WWP2: variants seen among roughly 807,000 people sequenced by gnomAD.
The protein encoded by WWP2 is WW domain containing E3 ubiquitin protein ligase 2, also known as NEDD4-like E3 ubiquitin-protein ligase WWP2.
In WWP2, 57 loss-of-function variants were observed where a neutral mutation model predicts 121.0. The ratio of observed to expected loss-of-function variants is 0.47; its 90% confidence interval spans 0.38 to 0.59. The LOEUF (loss-of-function observed/expected upper bound fraction) is 0.59, where lower values mean the gene tolerates loss of function less well. Among genes scored for constraint, WWP2 ranks in the 20% least tolerant of loss-of-function variants. The pLI is 0.00. For missense variants in WWP2, 962 were observed against 1,158.9 expected, an observed-to-expected ratio of 0.83 and a Z score of 2.47; for synonymous variants, 449 against 441.3, an observed-to-expected ratio of 1.02 and a Z score of -0.22.
At chr16:69,808,128 G>A (rs947904867) in intron 4 of WWP2, among the ~76,000 whole-genome samples, 21 of 152,066 alleles carry the variant, frequency 1.4e-4, no homozygotes, top group African/African-American at 4.1e-4. Context: ...CCACTATTCT[G>A]ACTTCTATCA....
intron 7 of WWP2, among the ~76,000 whole-genome samples, chr16:69,877,328 T>C (rs556023143): frequency 5.3e-5 from 8 of 152,330 alleles, no homozygotes; most frequent in African/African-American, 1.7e-4. Context: ...CTTCCAACTT[T>C]TCTTCTGCAA....
intron 7 of WWP2, among the ~76,000 whole-genome samples, chr16:69,879,525 A>G (rs1295735147): frequency 6.6e-6 from 1 of 152,124 alleles, no homozygotes; most frequent in East Asian, 1.9e-4. Flanking sequence ...TTTTTGATTC[A>G]TCCATGTTGT....
At chr16:69,794,731 T>TA (rs1384461537) in intron 2 of WWP2, among the ~76,000 whole-genome samples, 1 of 152,178 alleles carries the variant, frequency 6.6e-6, no homozygotes, top group Admixed American at 6.5e-5. Flanking sequence ...TGGAAGTCTT[T>TA]AAAAATCATT....
At chr16:69,774,541 G>A (rs995404417) in intron 1 of WWP2, among the ~76,000 whole-genome samples, 2 of 152,170 alleles carry the variant, frequency 1.3e-5, no homozygotes, top group African/African-American at 4.8e-5. Context: ...ACATGCATGA[G>A]CCACCACTGC....
In WWP2 at chr16:69,925,180, G is replaced by A. The variant is rs371090870; in HGVS notation, c.1180-250G>A. ...ACCCGCGTACCGCCTCCTCCCCGTC[G>A]CTCTGCCTTTTCCAAAACTCACTTG... On this transcript the variant is annotated intron_variant, in intron 10 of 23. Coordinates refer to ENST00000359154, the MANE Select transcript of WWP2 (RefSeq NM_001270454.2). The surrounding 1 kb of genome is among the most constrained non-coding windows in gnomAD (Gnocchi z 4.0). The A allele has an allele frequency of 1.2e-5, 16 of 1,301,188 alleles. 1 individual carries two copies. The African/African-American group carries it at 1.3e-4, about 11-fold the overall frequency. The allele number at this position is 1,301,188 out of a possible 1,614,324, so 80.6% of individuals were successfully genotyped here. A position where few individuals can be genotyped will look rare whatever the true frequency, so the allele number is the denominator to read the frequency against.
chr16:69,862,562 T>G (rs1432867306), intron 6 of WWP2, among the ~76,000 whole-genome samples: 1 of 152,022 alleles, frequency 6.6e-6, no homozygotes, highest in Admixed American at 6.6e-5. Flanking sequence ...GTAATCAGTT[T>G]TTATACCTTG....
At chr16:69,841,937 CG>C (rs1308036085) in intron 5 of WWP2, 86 bp from the exon 6 acceptor site, 1 of 1,331,214 alleles carries the variant, frequency 7.5e-7, no homozygotes, top group African/African-American at 1.5e-5. Context: ...AACACACAGA[CG>C]GAGTTCTGTT....
chr16:69,785,531 A>T (rs575587996), intron 1 of WWP2, among the ~76,000 whole-genome samples: 6 of 152,356 alleles, frequency 3.9e-5, no homozygotes, highest in African/African-American at 1.4e-4. Context: ...TTCCAAAATC[A>T]CATACAAGTA....
intron 7 of WWP2, among the ~76,000 whole-genome samples, chr16:69,872,646 T>G (rs74029728): frequency 0.022 from 3,414 of 152,326 alleles, 120 homozygotes; most frequent in African/African-American, 0.077. Context: ...GTATTGTTGC[T>G]AAGAGCTGAG....
At chr16:69,819,012 G>A (rs2056546158) in intron 4 of WWP2, among the ~76,000 whole-genome samples, 1 of 152,118 alleles carries the variant, frequency 6.6e-6, no homozygotes, top group Non-Finnish European at 1.5e-5. Context: ...TCTACATCTT[G>A]AAGCAGTGAC....
chr16:69,776,074 A>G (rs1389126214), intron 1 of WWP2: 1 of 152,382 alleles, frequency 6.6e-6, no homozygotes, highest in East Asian at 1.9e-4. Flanking sequence ...GTGTGACAGC[A>G]AAGTATGGGG....
chr16:69,924,974 G>T (rs1597169093), intron 10 of WWP2: 1 of 989,022 alleles, frequency 1.0e-6, no homozygotes, highest in East Asian at 1.1e-4. Context: ...CATTGGAAAG[G>T]CCTGCGATAT....
rs779004802 is a variant in WWP2 at position 69,888,049 on chromosome 16, A to G, written c.714A>G (p.Glu238=). 1 of 1,614,156 alleles carries G rather than the reference A, an allele frequency of 6.2e-7. No homozygotes were observed. Among genetic ancestry groups the G allele is most frequent in the South Asian group, 1.1e-5 (1 of 91,078 alleles). ...SGLANGTVND[E]PTTATDPEEP... is the part of the protein sequence containing the mutation. ...TTTGTGCATCTTCAGTGAATGATGA[A>G]CCCACAACAGCCACTGATCCCGAAG... The change falls in exon 8 of 24, where the codon GAA becomes GAG. Residue 238 remains glutamate (E), a synonymous_variant. Transcript: ENST00000359154.
intron 4 of WWP2, among the ~76,000 whole-genome samples, chr16:69,817,948 A>G (rs1450619762): frequency 6.6e-6 from 1 of 151,518 alleles, no homozygotes; most frequent in African/African-American, 2.4e-5. Flanking sequence ...CCTACAGTAA[A>G]TTCCCAGGCA....
chr16:69,793,262 G>T (rs1567668387), intron 2 of WWP2, among the ~76,000 whole-genome samples: 2 of 152,102 alleles, frequency 1.3e-5, no homozygotes, highest in South Asian at 2.1e-4. Context: ...CTGAGGCAGA[G>T]AATTGCTTGA....
At chr16:69,793,911 CTTTTTTTTTT>C (rs71151135) in intron 2 of WWP2, among the ~76,000 whole-genome samples, 11 of 62,362 alleles carry the variant, frequency 1.8e-4, no homozygotes, top group Admixed American at 7.5e-4. Flanking sequence ...ATTATCCTTG[CTTTTTTTTTT>C]TTTTTTTTTT....
intron 12 of WWP2, 143 bp from the exon 13 acceptor site, chr16:69,929,987 T>C: frequency 7.9e-7 from 1 of 1,262,832 alleles, no homozygotes; most frequent in Non-Finnish European, 1.1e-6. Flanking sequence ...TCTCACGACT[T>C]GGGTCATGCT....
chr16:69,835,728 A>G (rs2056864664), intron 4 of WWP2, among the ~76,000 whole-genome samples: 1 of 152,212 alleles, frequency 6.6e-6, no homozygotes, highest in African/African-American at 2.4e-5. Flanking sequence ...AGTCACTTGA[A>G]AATAACTGCA....
chr16:69,911,027 A>G (rs932836354), intron 9 of WWP2, among the ~76,000 whole-genome samples: 1 of 152,206 alleles, frequency 6.6e-6, no homozygotes, highest in African/African-American at 2.4e-5. Flanking sequence ...AGAGAACAGA[A>G]TGAATGCTTA....
Sources: allele counts gnomAD v4.1 joint callset (sites outside exome capture counted in the v4.1 genomes callset), GRCh38; gene constraint gnomAD v4.1.1; non-coding constraint Gnocchi (gnomAD v3.1); transcripts MANE v1.5; gene names NCBI Gene and HGNC (gene_info 2026-07-23, HGNC 2026-07-21).